Variants in CFAP68 observed in about 807,000 individuals in gnomAD.
The protein encoded by CFAP68 is cilia and flagella associated protein 68, also known as cilia- and flagella-associated protein 68.
chr11:111,880,189 A>G, the CFAP68 span, among the ~76,000 whole-genome samples: 1 of 152,044 alleles, frequency 6.6e-6, no homozygotes, highest in East Asian at 1.9e-4. Context: ...TTTTCAACCC[A>G]CACCACCCGC....
chr11:111,884,079 C>A, the CFAP68 span: 4 of 466,090 alleles, frequency 8.6e-6, no homozygotes, highest in Non-Finnish European at 1.5e-5. Context: ...AGTAAATATT[C>A]TTTATCCCTT....
At chr11:111,883,869 T>G in the CFAP68 span, 1 of 1,598,592 alleles carries the variant, frequency 6.3e-7, no homozygotes, top group African/African-American at 1.3e-5. Flanking sequence ...GAATAGCTAT[T>G]CAAAGCCTTA....
the CFAP68 span, chr11:111,879,751 C>G: frequency 2.2e-6 from 2 of 904,078 alleles, no homozygotes; most frequent in Non-Finnish European, 3.5e-6. Context: ...GTGGGGAATG[C>G]ACAGAGCAAA....
the CFAP68 span, chr11:111,879,677 G>T: frequency 6.6e-7 from 1 of 1,513,762 alleles, no homozygotes. Context: ...AGGCCACTGT[G>T]AGGGTGGTTA....
chr11:111,885,027 TG>T, the CFAP68 span: 1 of 152,046 alleles, frequency 6.6e-6, no homozygotes, highest in African/African-American at 2.4e-5. Context: ...GGCGGGCGCC[TG>T]TAATCCCAGC....
the CFAP68 span, chr11:111,880,916 A>T: frequency 2.5e-6 from 1 of 407,736 alleles, no homozygotes; most frequent in South Asian, 1.7e-5. Flanking sequence ...TTAAATAAGA[A>T]GATGATACAA....
chr11:111,880,694 T>C, the CFAP68 span: 2 of 449,358 alleles, frequency 4.5e-6, no homozygotes, highest in African/African-American at 4.0e-5. Flanking sequence ...TTGCTCTGCA[T>C]ATGGAGTAGC....
chr11:111,883,127 T>G, the CFAP68 span: 1 of 1,562,854 alleles, frequency 6.4e-7, no homozygotes, highest in South Asian at 1.2e-5. Flanking sequence ...TGTTAATTTT[T>G]CTTTCCAGTT....
the CFAP68 span, chr11:111,880,710 T>C: frequency 2.2e-6 from 1 of 454,256 alleles, no homozygotes; most frequent in African/African-American, 2.0e-5. Context: ...GTAGCCATTC[T>C]TTATTCCTTT....
chr11:111,880,857 TA>T, the CFAP68 span: 1 of 452,276 alleles, frequency 2.2e-6, no homozygotes, highest in Admixed American at 2.4e-5. Flanking sequence ...TAAGCCATTT[TA>T]ACAGACTGAA....
the CFAP68 span, chr11:111,883,782 G>C: frequency 3.7e-6 from 6 of 1,611,264 alleles, no homozygotes; most frequent in Middle Eastern, 1.7e-4. Flanking sequence ...ATTTAAGCGA[G>C]AGCCTCACTG....
At chr11:111,879,589 C>G in the CFAP68 span, 15 of 1,613,978 alleles carry the variant, frequency 9.3e-6, no homozygotes, top group Admixed American at 1.7e-5. Flanking sequence ...CTCTGCTGCT[C>G]AAAATTTCTC....
At chr11:111,879,746 G>A in the CFAP68 span, 4 of 939,040 alleles carry the variant, frequency 4.3e-6, no homozygotes, top group Non-Finnish European at 6.7e-6. Flanking sequence ...GTCTGGTGGG[G>A]AATGCACAGA....
chr11:111,881,512 C>T, the CFAP68 span: 1 of 1,536,040 alleles, frequency 6.5e-7, no homozygotes, highest in Non-Finnish European at 8.7e-7. Flanking sequence ...TTGTTGACAT[C>T]TTTAAAGAAC....
the CFAP68 span, among the ~76,000 whole-genome samples, chr11:111,880,374 G>GT: frequency 1.3e-5 from 2 of 152,208 alleles, no homozygotes; most frequent in African/African-American, 2.4e-5. Context: ...TGCATTCCCA[G>GT]TAAGTTAAGG....
chr11:111,884,907 T>C, the CFAP68 span: 1 of 152,122 alleles, frequency 6.6e-6, no homozygotes, highest in South Asian at 2.1e-4. Flanking sequence ...TCCCAGCACT[T>C]TGGGAGGCTG....
At chr11:111,883,472 A>G in the CFAP68 span, among the ~76,000 whole-genome samples, 3 of 152,132 alleles carry the variant, frequency 2.0e-5, no homozygotes, top group African/African-American at 7.2e-5. Context: ...GCATGCCTGT[A>G]GTCCCAGCTA....
At chr11:111,881,125 G>A in the CFAP68 span, 5 of 1,015,430 alleles carry the variant, frequency 4.9e-6, no homozygotes, top group Non-Finnish European at 6.2e-6. Flanking sequence ...GTGACTGGAT[G>A]AAAATTAAAG....
the CFAP68 span, chr11:111,884,917 G>A: frequency 6.6e-6 from 1 of 152,168 alleles, no homozygotes; most frequent in African/African-American, 2.4e-5. Flanking sequence ...TTGGGAGGCT[G>A]AGGTGGGTGG....
Sources: gnomAD v4.1 joint callset for allele counts (sites outside exome capture counted in the v4.1 genomes callset) on GRCh38, gnomAD v4.1.1 for gene constraint, MANE v1.5 for transcripts, NCBI Gene and HGNC (gene_info 2026-07-23, HGNC 2026-07-21) for gene names.